LRP1B: variants seen among roughly 807,000 people sequenced by gnomAD.
LRP1B encodes the protein LDL receptor related protein 1B.
Under a neutral mutation model 556.6 loss-of-function variants are expected in LRP1B, and 217 were observed. That is an observed-to-expected ratio of 0.39 (90% CI 0.35 to 0.44). LRP1B has a LOEUF of 0.44. Among genes scored for constraint, LRP1B ranks in the 20% least tolerant of loss-of-function variants. LRP1B has a pLI of 1.00. For missense variants in LRP1B, 5,053 were observed against 5,620.8 expected (o/e 0.90, Z 3.23); for synonymous variants, 2,047 against 1,865.8 (o/e 1.10, Z -2.50).
At chr2:141,828,736 T>C (rs1012262168) in intron 1 of LRP1B, among the ~76,000 whole-genome samples, 7 of 152,180 alleles carry the variant, frequency 4.6e-5, no homozygotes, top group African/African-American at 1.7e-4. Context: ...ACAAAAACTC[T>C]GCCCCATAGG....
rs2104939791 is a variant in LRP1B at position 140,517,027 on chromosome 2, G to A, written c.8027-16C>T. ...TTGTTTTGAACTGTGATAAAATATG[G>A]AATGTCAAACAATTTCATTTTAGAC... On this transcript the variant is annotated splice_polypyrimidine_tract_variant and intron_variant, in intron 49 of 90. Transcript: ENST00000389484. 6.5e-7 allele frequency: 1 copy of A among 1,543,158 alleles called. No individual in the cohort carries two copies.
intron 2 of LRP1B, among the ~76,000 whole-genome samples, chr2:141,745,258 G>C (rs1468899775): frequency 6.6e-6 from 1 of 152,150 alleles, no homozygotes; most frequent in Non-Finnish European, 1.5e-5. Flanking sequence ...CTAGACTCCT[G>C]TCTTTCCCTT....
chr2:141,385,107 C>T (rs369973151), intron 3 of LRP1B, among the ~76,000 whole-genome samples: 2 of 152,158 alleles, frequency 1.3e-5, no homozygotes, highest in South Asian at 2.1e-4. Flanking sequence ...AATTTTTGTA[C>T]GCCACTGCAG....
At chr2:140,697,541 G>A (rs1686475792) in intron 41 of LRP1B, among the ~76,000 whole-genome samples, 1 of 151,916 alleles carries the variant, frequency 6.6e-6, no homozygotes, top group South Asian at 2.1e-4. Context: ...CAACCCAAGT[G>A]TCCTTAAACA....
chr2:140,776,312 T>C (rs1689496805), intron 32 of LRP1B, 74 bp from the exon 33 acceptor site: 1 of 918,578 alleles, frequency 1.1e-6, no homozygotes, highest in East Asian at 3.3e-5. Context: ...CTTACTAAAC[T>C]ATAATACTCT....
chr2:140,254,174 G>A (rs774745104), intron 86 of LRP1B, among the ~76,000 whole-genome samples: 2 of 152,124 alleles, frequency 1.3e-5, no homozygotes, highest in Non-Finnish European at 2.9e-5. Flanking sequence ...ATATTCAACT[G>A]CAGGTTAATA....
At chr2:140,464,838 T>A (rs1003354194) in intron 60 of LRP1B, among the ~76,000 whole-genome samples, 4 of 152,202 alleles carry the variant, frequency 2.6e-5, no homozygotes, top group African/African-American at 9.6e-5. Context: ...CATTTGCCTC[T>A]GGGACACATA....
Position 140,716,699 on chromosome 2 carries a change from G to C in LRP1B, c.5876C>G (p.Ala1959Gly), listed in dbSNP as rs2105463980. 6.2e-7 allele frequency: 1 copy of C among 1,610,212 alleles called. No individual in the cohort carries two copies. Among genetic ancestry groups the C allele is most frequent in the East Asian group, 2.2e-5 (1 of 44,630 alleles). ...TNGLGRVEGI[A>G]VDWIAGNIYW... is the part of the protein sequence containing the mutation. Reference sequence around the variant, plus strand: ...GATTATACCAGCAATCCAGTCAACAGCTATCCCTTCCACTCTTCCCAAGCC... The same window carrying C: ...GATTATACCAGCAATCCAGTCAACACCTATCCCTTCCACTCTTCCCAAGCC... The change falls in exon 36 of 91, where the codon GCT (alanine) becomes GGT (glycine). Residue 1959 changes from alanine (A) to glycine (G), a missense_variant. Around this residue, in one of 5 missense-constraint regions of LRP1B, gnomAD observed 3,619 missense variants for 3,931.9 expected, o/e 0.92. Coordinates refer to ENST00000389484, the MANE Select transcript of LRP1B (RefSeq NM_018557.3).
intron 1 of LRP1B, among the ~76,000 whole-genome samples, chr2:141,973,326 C>A (rs1274714025): frequency 6.6e-6 from 1 of 151,464 alleles, no homozygotes; most frequent in Admixed American, 6.6e-5. Flanking sequence ...TGTTTGGGTA[C>A]TTTTTATTGA....
intron 7 of LRP1B, among the ~76,000 whole-genome samples, chr2:141,070,732 C>T (rs372508957): frequency 1.3e-4 from 19 of 151,956 alleles, no homozygotes; most frequent in Admixed American, 2.6e-4. Context: ...AACACCTCTA[C>T]GCAAATAAAC....
intron 2 of LRP1B, among the ~76,000 whole-genome samples, chr2:141,491,559 G>A (rs1425323180): frequency 6.6e-6 from 1 of 152,136 alleles, no homozygotes; most frequent in Non-Finnish European, 1.5e-5. Flanking sequence ...TACCCAATTA[G>A]AAGCAGGGAT....
At chr2:142,064,673 A>G (rs1244328286) in intron 1 of LRP1B, among the ~76,000 whole-genome samples, 4 of 151,578 alleles carry the variant, frequency 2.6e-5, no homozygotes, top group African/African-American at 9.7e-5. Flanking sequence ...TACAAATTAC[A>G]TGTGTATTTT....
At chr2:141,686,761 C>G (rs1691322126) in intron 2 of LRP1B, among the ~76,000 whole-genome samples, 1 of 151,848 alleles carries the variant, frequency 6.6e-6, no homozygotes, top group Non-Finnish European at 1.5e-5. Flanking sequence ...AGGGCTCTGC[C>G]TTAATAAAAA....
chr2:140,245,614 C>T (rs750215720), intron 87 of LRP1B, among the ~76,000 whole-genome samples: 16 of 151,230 alleles, frequency 1.1e-4, no homozygotes, highest in Non-Finnish European at 2.4e-4. Context: ...ATGCTTTTAA[C>T]GATTGTTGAG....
At chr2:141,812,480 T>C (rs1254896837) in intron 1 of LRP1B, among the ~76,000 whole-genome samples, 2 of 152,026 alleles carry the variant, frequency 1.3e-5, no homozygotes, top group Non-Finnish European at 2.9e-5. Context: ...CCATATCAAA[T>C]TGTTATGTGG....
chr2:140,939,058 T>C (rs1695316824), intron 20 of LRP1B, among the ~76,000 whole-genome samples: 1 of 152,018 alleles, frequency 6.6e-6, no homozygotes, highest in Non-Finnish European at 1.5e-5. Flanking sequence ...TAGTCTTGTA[T>C]ATTATGATAA....
intron 14 of LRP1B, 45 bp from the exon 15 acceptor site, chr2:141,005,502 G>A (rs76031004): frequency 0.03 from 48,460 of 1,597,384 alleles, 950 homozygotes; most frequent in South Asian, 0.039. Context: ...TCTGATTCAC[G>A]TTCTTTCTAG....
intron 41 of LRP1B, among the ~76,000 whole-genome samples, chr2:140,682,338 A>C (rs1411570054): frequency 6.6e-6 from 1 of 152,180 alleles, no homozygotes; most frequent in Non-Finnish European, 1.5e-5. Context: ...CCTACTTTGT[A>C]CATTCCATGA....
intron 57 of LRP1B, 41 bp downstream of exon 57, chr2:140,492,567 C>T (rs957930844): frequency 7.4e-7 from 1 of 1,352,670 alleles, no homozygotes; most frequent in Non-Finnish European, 1.1e-6. Context: ...ATACCTAGTG[C>T]ACATGTTAAA....
Sources: allele counts gnomAD v4.1 joint callset (sites outside exome capture counted in the v4.1 genomes callset), GRCh38; gene constraint gnomAD v4.1.1; regional missense constraint gnomAD v4.1.1; transcripts MANE v1.5; gene names NCBI Gene and HGNC (gene_info 2026-07-23, HGNC 2026-07-21).